Variants in XPR1 observed in about 807,000 individuals in gnomAD.
XPR1 encodes the protein xenotropic and polytropic retrovirus receptor 1.
Under a neutral mutation model 87.5 loss-of-function variants are expected in XPR1, and 28 were observed. That is an observed-to-expected ratio of 0.32 (90% CI 0.24 to 0.44). XPR1 has a LOEUF of 0.44. Among genes scored for constraint, XPR1 ranks in the 20% least tolerant of loss-of-function variants. The probability of loss-of-function intolerance (pLI) is 1.00; values close to 1 mark genes in which losing one functional copy is unlikely to be tolerated. For synonymous variants in XPR1, 300 were observed against 306.1 expected (o/e 0.98, Z 0.21); for missense variants, 559 against 862.3 (o/e 0.65, Z 4.41).
chr1:180,640,369 C>T (rs1002845261), intron 1 of XPR1, among the ~76,000 whole-genome samples: 3 of 152,060 alleles, frequency 2.0e-5, no homozygotes, highest in African/African-American at 7.2e-5. Context: ...TTGTTAGCTC[C>T]GTTTCTAGAT....
intron 1 of XPR1, among the ~76,000 whole-genome samples, chr1:180,633,127 C>G (rs1304309720): frequency 6.6e-6 from 1 of 152,166 alleles, no homozygotes; most frequent in Non-Finnish European, 1.5e-5. Context: ...CCCATTCCCT[C>G]CCAATTTCTG....
At chr1:180,728,980 C>T (rs1658456359) in intron 2 of XPR1, among the ~76,000 whole-genome samples, 1 of 151,988 alleles carries the variant, frequency 6.6e-6, no homozygotes, top group Non-Finnish European at 1.5e-5. Context: ...GTTTTTTGGT[C>T]CCCACTCTCC....
rs544872509 is a variant in XPR1, at chr1:180,657,998, A to T, written c.70-24362A>T. On this transcript the variant is annotated intron_variant, in intron 1 of 14. Transcript: ENST00000367590. Reference sequence around the variant, plus strand: ...ATGTTTTATAGTTTTCATTGTAGAGATCTATCACTTCTTTGGTTAATTCCT... The same window carrying T: ...ATGTTTTATAGTTTTCATTGTAGAGTTCTATCACTTCTTTGGTTAATTCCT... 2.0e-5 allele frequency among the ~76,000 whole-genome samples: 3 copies of T among 152,012 alleles called. No individual in the cohort carries two copies. In the East Asian group the frequency reaches 5.8e-4, roughly 29 times the overall value.
chr1:180,856,848 A>G (rs1272363841), intron 11 of XPR1, among the ~76,000 whole-genome samples: 1 of 151,958 alleles, frequency 6.6e-6, no homozygotes, highest in East Asian at 1.9e-4. Flanking sequence ...TACACCTCAA[A>G]CTCATCTCCC....
intron 9 of XPR1, among the ~76,000 whole-genome samples, chr1:180,833,717 CAG>C (rs1651161739): frequency 1.3e-5 from 2 of 152,178 alleles, no homozygotes; most frequent in Non-Finnish European, 2.9e-5. Flanking sequence ...TGCATTTCAA[CAG>C]AAAGTACAAA....
intron 3 of XPR1, among the ~76,000 whole-genome samples, chr1:180,798,156 T>C (rs1649653264): frequency 6.6e-6 from 1 of 151,786 alleles, no homozygotes; most frequent in African/African-American, 2.4e-5. Flanking sequence ...ATCAGGAAAA[T>C]AATAAAAATA....
intron 2 of XPR1, among the ~76,000 whole-genome samples, chr1:180,727,549 C>T (rs547732854): frequency 1.3e-5 from 2 of 152,196 alleles, no homozygotes; most frequent in South Asian, 4.1e-4. Flanking sequence ...GAGGCTGAGA[C>T]GGGAGAATCA....
chr1:180,647,672 G>T (rs900107317), intron 1 of XPR1, among the ~76,000 whole-genome samples: 72 of 152,250 alleles, frequency 4.7e-4, no homozygotes, highest in African/African-American at 1.7e-3. Flanking sequence ...GCCAAGGTGG[G>T]TGGATCACCT....
rs1213911239 is a variant in XPR1, at chr1:180,868,576, A to G, written c.1668+4702A>G. 3.5e-3 allele frequency among the ~76,000 whole-genome samples: 398 copies of G among 112,430 alleles called. 5 individuals carry two copies. The highest frequency in any genetic ancestry group is 0.014 in the African/African-American group (367 of 25,712). The allele number at this position is 112,430 out of a possible 152,430, so 73.8% of individuals were successfully genotyped here. On this transcript the variant is annotated intron_variant, in intron 12 of 14. Transcript: ENST00000367590. ...TAGGTATTTTATTCTCTTTGAAGCA[A>G]TTGTGAATGGGAGTTCACTCATGAT...
intron 4 of XPR1, among the ~76,000 whole-genome samples, chr1:180,805,017 T>G (rs3002116): frequency 0.17 from 26,387 of 152,158 alleles, 2,951 homozygotes; most frequent in Middle Eastern, 0.31. Flanking sequence ...AAATGCTCCT[T>G]GGGAAAACAA....
chr1:180,778,259 C>T (rs10914103), intron 2 of XPR1, among the ~76,000 whole-genome samples: 6,550 of 152,238 alleles, frequency 0.043, 506 homozygotes, highest in African/African-American at 0.15. Context: ...ACTGGGATTA[C>T]AGGCATGAGC....
At chr1:180,863,608 T>C (rs1652289803) in intron 11 of XPR1, 100 bp from the exon 12 acceptor site, 4 of 1,050,208 alleles carry the variant, frequency 3.8e-6, no homozygotes, top group Admixed American at 2.8e-5. Context: ...TGCTTTCTTA[T>C]GGAGCTATTT....
chr1:180,751,633 A>G (rs1647539056), intron 2 of XPR1, among the ~76,000 whole-genome samples: 1 of 152,150 alleles, frequency 6.6e-6, no homozygotes, highest in Non-Finnish European at 1.5e-5. Flanking sequence ...ATAAAAGGGA[A>G]TTCAAACCTA....
At chr1:180,827,617 G>C (rs1364718654) in intron 9 of XPR1, among the ~76,000 whole-genome samples, 1 of 152,050 alleles carries the variant, frequency 6.6e-6, no homozygotes, top group Admixed American at 6.5e-5. Context: ...CTGAAATATA[G>C]AAGGAATAAT....
At chr1:180,754,682 G>T (rs1212465398) in intron 2 of XPR1, among the ~76,000 whole-genome samples, 2 of 151,930 alleles carry the variant, frequency 1.3e-5, no homozygotes, top group African/African-American at 2.4e-5. Flanking sequence ...GGCTGGTCTT[G>T]AGCTCCTGGG....
At chr1:180,665,310 C>T (rs1655921155) in intron 1 of XPR1, among the ~76,000 whole-genome samples, 1 of 152,164 alleles carries the variant, frequency 6.6e-6, no homozygotes, top group African/African-American at 2.4e-5. Flanking sequence ...CCTGGTCCCA[C>T]CCTTGACATT....
chr1:180,645,940 T>C (rs150089863), intron 1 of XPR1, among the ~76,000 whole-genome samples: 2 of 152,232 alleles, frequency 1.3e-5, no homozygotes, highest in African/African-American at 2.4e-5. Context: ...TTTCCTGATA[T>C]TTAATGATTC....
intron 2 of XPR1, among the ~76,000 whole-genome samples, chr1:180,719,921 A>G (rs966551903): frequency 2.0e-5 from 3 of 152,222 alleles, no homozygotes; most frequent in Admixed American, 2.0e-4. Context: ...CATATCTGAA[A>G]GATAAGATTG....
intron 1 of XPR1, among the ~76,000 whole-genome samples, chr1:180,656,053 C>T (rs545439792): frequency 6.6e-6 from 1 of 151,618 alleles, no homozygotes; most frequent in Non-Finnish European, 1.5e-5. Context: ...AGATCTTATT[C>T]AGTTTTTATA....
Sources: allele counts gnomAD v4.1 joint callset (sites outside exome capture counted in the v4.1 genomes callset), GRCh38; gene constraint gnomAD v4.1.1; transcripts MANE v1.5; gene names NCBI Gene and HGNC (gene_info 2026-07-23, HGNC 2026-07-21).